Variants in ZNF721 observed in about 807,000 individuals in gnomAD.
The protein encoded by ZNF721 is zinc finger protein 721.
Under a neutral mutation model 2.4 loss-of-function variants are expected in ZNF721, and 2 were observed. The ratio of observed to expected loss-of-function variants is 0.82; its 90% confidence interval spans 0.34 to 2.58. The LOEUF (loss-of-function observed/expected upper bound fraction) is 2.58, where lower values mean the gene tolerates loss of function less well. Ranked by LOEUF, ZNF721 falls within the 30% of genes most tolerant of loss-of-function variation. The pLI, the probability that ZNF721 is intolerant of heterozygous loss-of-function variation, is 0.11. For synonymous variants in ZNF721, 398 were observed against 381.8 expected (o/e 1.04, Z -0.50); for missense variants, 1,187 against 1,085.5 (o/e 1.09, Z -1.31).
chr4:458,482 C>T (rs1337052984), intron 2 of ZNF721, among the ~76,000 whole-genome samples: 2 of 152,152 alleles, frequency 1.3e-5, no homozygotes, highest in East Asian at 3.9e-4. Context: ...GGCTTCATGA[C>T]TTATGAAGGA....
At chr4:489,237 T>G (rs1192553161) in intron 1 of ZNF721, among the ~76,000 whole-genome samples, 1 of 152,116 alleles carries the variant, frequency 6.6e-6, no homozygotes, top group Non-Finnish European at 1.5e-5. Flanking sequence ...CCAACACCCT[T>G]AGGGGAGAAA....
At chr4:453,738 GACA>G (rs1714748578) in intron 2 of ZNF721, 1 of 152,202 alleles carries the variant, frequency 6.6e-6, no homozygotes, top group South Asian at 2.1e-4. Context: ...AATCGTCCGT[GACA>G]ACATTTCTGA....
At position 443,404 on chromosome 4, in the gene ZNF721, G is replaced by T. The variant is rs1714343937; in HGVS notation, c.1063C>A (p.His355Asn). 3 of 1,612,918 alleles carry T rather than the reference G, an allele frequency of 1.9e-6. No homozygotes were observed. The highest frequency in any genetic ancestry group is 2.5e-6 in the Non-Finnish European group (3 of 1,179,178). ...SANLYVHRRIHTGEKPYKCED... is the reference protein window; with the variant it reads ...SANLYVHRRINTGEKPYKCED... Reference sequence around the variant, plus strand: ...CATTTGTAAGGTTTCTCTCCAGTATGAATTCTCCTATGTACGTAAAGGTTT... The same window carrying T: ...CATTTGTAAGGTTTCTCTCCAGTATTAATTCTCCTATGTACGTAAAGGTTT... The change falls in exon 3 of 3, where the codon CAT becomes AAT. Residue 355 changes from histidine to asparagine, a missense_variant. By Grantham distance (68) the His-to-Asn change is moderately conservative. Coordinates refer to ENST00000511833, the MANE Select transcript of ZNF721 (RefSeq NM_133474.4).
chr4:445,986 TG>T (rs1451290544), intron 2 of ZNF721, among the ~76,000 whole-genome samples: 3 of 152,070 alleles, frequency 2.0e-5, no homozygotes, highest in Non-Finnish European at 4.4e-5. Flanking sequence ...AAATTCTACA[TG>T]GGAATAATAT....
intron 2 of ZNF721, among the ~76,000 whole-genome samples, chr4:457,748 A>C (rs1553865561): frequency 2.0e-5 from 3 of 152,152 alleles, no homozygotes; most frequent in African/African-American, 7.2e-5. Flanking sequence ...CCTGATTCCA[A>C]GTCCATGCAA....
At chr4:445,896 T>C (rs1247415140) in intron 2 of ZNF721, among the ~76,000 whole-genome samples, 3 of 152,152 alleles carry the variant, frequency 2.0e-5, no homozygotes, top group Admixed American at 6.5e-5. Flanking sequence ...TGTGGTCTTA[T>C]AAGATTACCA....
Position 490,153 on chromosome 4 carries a change from C to T in ZNF721, c.-94+8903G>A, listed in dbSNP as rs188959836. Among the ~76,000 whole-genome samples the T allele has an allele frequency of 1.9e-3, 285 of 151,988 alleles. 1 individual carries two copies. The highest frequency in any genetic ancestry group is 6.6e-3 in the African/African-American group (272 of 41,508). ...GATTACAAGAGTGAGACACCGTGCC[C>T]GGCCAACATTTTGGATACAGTAAGT... On this transcript the variant is annotated intron_variant, in intron 1 of 2. Transcript: ENST00000511833.
At position 441,144 on chromosome 4, in the gene ZNF721, C is replaced by T. The variant is rs1714219062; in HGVS notation, c.*551G>A. Reference sequence around the variant, plus strand: ...TGGGATACAAGTACAGGTACTAGAGCCCTCTTTATCTTTGTATTCTCTGTC... The same window carrying T: ...TGGGATACAAGTACAGGTACTAGAGTCCTCTTTATCTTTGTATTCTCTGTC... On this transcript the variant is annotated 3_prime_UTR_variant, in exon 3 of 3. Coordinates refer to ENST00000511833, the MANE Select transcript of ZNF721 (RefSeq NM_133474.4). 6.6e-6 allele frequency: 1 copy of T among 152,434 alleles called. No homozygotes were observed. The highest frequency in any genetic ancestry group is 1.5e-5 in the Non-Finnish European group (1 of 68,414). 9.4% of individuals were successfully genotyped at this position (152,434 alleles called of 1,614,324 possible). A position where few individuals can be genotyped will look rare whatever the true frequency, so the allele number is the denominator to read the frequency against.
At chr4:476,274 A>T (rs1294629735) in intron 1 of ZNF721, among the ~76,000 whole-genome samples, 1 of 152,162 alleles carries the variant, frequency 6.6e-6, no homozygotes, top group Admixed American at 6.5e-5. Flanking sequence ...GTCCTACTCA[A>T]ACTAATCACC....
chr4:466,521 T>C (rs781877400), intron 2 of ZNF721, among the ~76,000 whole-genome samples: 1 of 152,218 alleles, frequency 6.6e-6, no homozygotes, highest in Non-Finnish European at 1.5e-5. Flanking sequence ...GGAAAGCTTG[T>C]TGATAGTGTA....
chr4:497,609 C>G (rs782521345), intron 1 of ZNF721, among the ~76,000 whole-genome samples: 1 of 151,858 alleles, frequency 6.6e-6, no homozygotes, highest in Non-Finnish European at 1.5e-5. Context: ...ACAGGCCGGA[C>G]AGGGCGCGGT....
intron 1 of ZNF721, among the ~76,000 whole-genome samples, chr4:485,957 G>C (rs1221763907): frequency 1.3e-5 from 2 of 152,074 alleles, no homozygotes; most frequent in Non-Finnish European, 2.9e-5. Context: ...CCTGGCGACA[G>C]AGCGAGACTC....
At position 447,085 on chromosome 4, in the gene ZNF721, G is replaced by A. The variant is rs527706070; in HGVS notation, c.35-2653C>T. On this transcript the variant is annotated intron_variant, in intron 2 of 2. Transcript: ENST00000511833. ...ACCTGTAATCCCAGCACTTTGGGAG[G>A]CCGAGGCGGGTGGATCACAAGGTCA... Among the ~76,000 whole-genome samples the A allele has an allele frequency of 1.2e-4, 19 of 152,210 alleles. No individual in the cohort carries two copies. The East Asian group carries it at 3.5e-3, about 28-fold the overall frequency.
intron 1 of ZNF721, among the ~76,000 whole-genome samples, chr4:472,971 T>A (rs1165456763): frequency 6.6e-6 from 1 of 152,038 alleles, no homozygotes; most frequent in Non-Finnish European, 1.5e-5. Flanking sequence ...GAAAACAGGT[T>A]GAACTCACCT....
intron 1 of ZNF721, among the ~76,000 whole-genome samples, chr4:494,286 A>G (rs1488203370): frequency 6.7e-6 from 1 of 149,492 alleles, no homozygotes; most frequent in African/African-American, 2.5e-5. Context: ...GGTTCACGCC[A>G]TTCTCCTGCT....
At chr4:466,637 T>A (rs782171439) in intron 2 of ZNF721, among the ~76,000 whole-genome samples, 1 of 152,160 alleles carries the variant, frequency 6.6e-6, no homozygotes, top group East Asian at 1.9e-4. Flanking sequence ...GAAATTTCAT[T>A]TGTAGATTAA....
At chr4:496,248 G>C (rs1030387066) in intron 1 of ZNF721, among the ~76,000 whole-genome samples, 4 of 152,028 alleles carry the variant, frequency 2.6e-5, no homozygotes, top group Non-Finnish European at 5.9e-5. Context: ...AATGTGTGTC[G>C]GACCCAAAAC....
chr4:483,368 T>C (rs2108719257), intron 1 of ZNF721, among the ~76,000 whole-genome samples: 1 of 152,100 alleles, frequency 6.6e-6, no homozygotes, highest in East Asian at 1.9e-4. Context: ...GCCAATATGG[T>C]GAAACCCCGT....
chr4:464,332 T>C (rs1307257573), intron 2 of ZNF721, among the ~76,000 whole-genome samples: 2 of 151,924 alleles, frequency 1.3e-5, no homozygotes, highest in East Asian at 3.9e-4. Flanking sequence ...TGGCTGGACA[T>C]GGTGGCAGGT....
Sources: gnomAD v4.1 joint callset for allele counts (sites outside exome capture counted in the v4.1 genomes callset) on GRCh38, gnomAD v4.1.1 for gene constraint, MANE v1.5 for transcripts, NCBI Gene and HGNC (gene_info 2026-07-23, HGNC 2026-07-21) for gene names.